ATP6V0A4: variants seen among roughly 807,000 people sequenced by gnomAD.
ATP6V0A4 encodes the protein ATPase H+ transporting V0 subunit a4.
ATP6V0A4 carries 86 observed loss-of-function variants against 107.3 expected under a neutral mutation model. The ratio of observed to expected loss-of-function variants is 0.80; its 90% CI spans 0.67 to 0.96. The LOEUF is 0.96. Among genes scored for constraint, ATP6V0A4 ranks in the 40% least tolerant of loss-of-function variants. ATP6V0A4 has a pLI of 0.00. For missense variants in ATP6V0A4, 908 were observed against 1,045.6 expected (o/e 0.87, Z 1.81); for synonymous variants, 353 against 381.4 (o/e 0.93, Z 0.87).
chr7:138,739,631 G>A lies in ATP6V0A4; in HGVS notation c.1481C>T (p.Thr494Ile). ...QPMFRNGTWN[T>I]HVMEESLYLQ... ...ATATAGACTTTCCTCCATTACATGA[G>A]TACTTTAGAGGGAGAAAAGGAGAAA... Residue 494 changes from threonine (T) to isoleucine (I), a missense_variant and splice_region_variant, in exon 15 of 22, where the codon ACT (threonine) becomes ATT (isoleucine). Physicochemically the swap from Thr to Ile is moderately conservative, Grantham distance 89. Transcript: ENST00000310018. 2 of 1,614,040 alleles carry A rather than the reference G, an allele frequency of 1.2e-6. No individual in the cohort carries two copies. Among genetic ancestry groups the A allele is most frequent in the Non-Finnish European group, 1.7e-6 (2 of 1,179,972 alleles).
Position 138,768,643 on chromosome 7 carries a change from G to A in ATP6V0A4, c.291+137C>T, listed in dbSNP as rs7780807. 971,896 of 1,036,124 alleles carry A rather than the reference G, an allele frequency of 0.94. 456,215 individuals are homozygous for A. Among genetic ancestry groups the A allele is most frequent in the African/African-American group, 0.99 (61,196 of 61,896 alleles). The allele number at this position is 1,036,124 out of a possible 1,614,324, so 64.2% of individuals were successfully genotyped here. A position where few individuals can be genotyped will look rare whatever the true frequency, so the allele number is the denominator to read the frequency against. On this transcript the variant is annotated intron_variant, in intron 5 of 21. Transcript: ENST00000310018. Reference sequence around the variant, plus strand: ...TTTTCCTGGGGCTGTAACCCTGAGAGGGAGACGACCATGCAGGCCTGCCTC... The same window carrying A: ...TTTTCCTGGGGCTGTAACCCTGAGAAGGAGACGACCATGCAGGCCTGCCTC...
intron 2 of ATP6V0A4, among the ~76,000 whole-genome samples, chr7:138,780,738 T>C (rs1376045440): frequency 6.6e-6 from 1 of 152,000 alleles, no homozygotes; most frequent in Non-Finnish European, 1.5e-5. Context: ...GCCTCATCTC[T>C]ATGAAAAATA....
intron 1 of ATP6V0A4, among the ~76,000 whole-genome samples, chr7:138,792,966 G>A (rs1808495208): frequency 6.6e-6 from 1 of 151,992 alleles, no homozygotes; most frequent in South Asian, 2.1e-4. Flanking sequence ...AGCAATATCA[G>A]ACAAAGTAAA....
At chr7:138,708,910 C>T (rs1057282746) in intron 21 of ATP6V0A4, among the ~76,000 whole-genome samples, 4 of 152,020 alleles carry the variant, frequency 2.6e-5, no homozygotes, top group African/African-American at 9.7e-5. Context: ...CCCATCTCTA[C>T]TAAAAATACA....
Position 138,732,655 on chromosome 7 carries a change from G to A in ATP6V0A4, c.1908+222C>T, listed in dbSNP as rs10273800. 0.028 allele frequency among the ~76,000 whole-genome samples: 4,311 copies of A among 152,012 alleles called. 229 individuals are homozygous for A. Among genetic ancestry groups the A allele is most frequent in the African/African-American group, 0.098 (4,072 of 41,450 alleles). On this transcript the variant is annotated intron_variant, in intron 17 of 21. Transcript: ENST00000310018. ...CTAAAAATACAAAAATTAGCCAGGC[G>A]TGGTGGCGTGCACCTGTAGTCCCAG...
intron 15 of ATP6V0A4, among the ~76,000 whole-genome samples, chr7:138,739,106 TATGCAGTAAAACAAAGCA>T (rs571799985): frequency 6.6e-6 from 1 of 152,350 alleles, no homozygotes; most frequent in Non-Finnish European, 1.5e-5. Flanking sequence ...GCGTCAATTC[TATGCAGTAAAACAAAGCA>T]AACATAAAAG....
At chr7:138,724,190 A>C (rs1445410673) in intron 18 of ATP6V0A4, among the ~76,000 whole-genome samples, 1 of 39,606 alleles carries the variant, frequency 2.5e-5, no homozygotes, top group Non-Finnish European at 5.0e-5. Context: ...ACTCTGCCTC[A>C]AAAAAAAAAA....
chr7:138,752,993 G>C (rs1309625609), intron 10 of ATP6V0A4, 156 bp from the exon 11 acceptor site: 1 of 847,998 alleles, frequency 1.2e-6, no homozygotes, highest in Non-Finnish European at 1.4e-6. Flanking sequence ...CTCCTGAGCA[G>C]TTTATCTCCC....
At chr7:138,767,472 G>A (rs949888354) in intron 5 of ATP6V0A4, among the ~76,000 whole-genome samples, 5 of 151,566 alleles carry the variant, frequency 3.3e-5, no homozygotes, top group Non-Finnish European at 7.4e-5. Context: ...GCAGTGAGCC[G>A]AGATCACACC....
At chr7:138,733,231 C>G in intron 16 of ATP6V0A4, 138 bp from the exon 17 acceptor site, 1 of 1,421,192 alleles carries the variant, frequency 7.0e-7, no homozygotes, top group Non-Finnish European at 9.4e-7. Context: ...CGGCACCCCC[C>G]ACCCCCCCAG....
chr7:138,781,843 C>CTTTT (rs200102016), intron 2 of ATP6V0A4, among the ~76,000 whole-genome samples: 1 of 72,800 alleles, frequency 1.4e-5, no homozygotes, highest in Admixed American at 1.7e-4. Context: ...CTCTCTCTCT[C>CTTTT]TTTTTTTTTT....
chr7:138,708,990 C>T (rs1258496403), intron 21 of ATP6V0A4, among the ~76,000 whole-genome samples: 2 of 152,158 alleles, frequency 1.3e-5, no homozygotes, highest in Admixed American at 6.6e-5. Flanking sequence ...GGGTGAATCA[C>T]TTGAGGCCAA....
intron 2 of ATP6V0A4, among the ~76,000 whole-genome samples, chr7:138,780,277 G>A (rs924045296): frequency 6.6e-6 from 1 of 152,162 alleles, no homozygotes; most frequent in African/African-American, 2.4e-5. Context: ...AGATCACCAG[G>A]CATCAGATTT....
At chr7:138,756,034 T>C in intron 9 of ATP6V0A4, 1 of 631,600 alleles carries the variant, frequency 1.6e-6, no homozygotes, top group Non-Finnish European at 2.6e-6. Context: ...TGTGAGTTGC[T>C]GGGTAAATAA....
In ATP6V0A4 at chr7:138,771,173, A is replaced by G. The variant is rs760946694; in HGVS notation, c.75T>C (p.Cys25=). 6.2e-7 allele frequency: 1 copy of G among 1,614,190 alleles called. No homozygotes were observed. Among genetic ancestry groups the G allele is most frequent in the South Asian group, 1.1e-5 (1 of 91,084 alleles). ...LFLQVEAAYC[C]VAELGELGLV... is the part of the protein sequence containing the mutation. ...ATCCGAGCTCTCCGAGCTCAGCCAC[A>G]CAGCAATATGCAGCTTCCACCTGGA... is the stretch of plus-strand genomic sequence containing the variant. The change falls in exon 3 of 22, where the codon TGT becomes TGC. Residue 25 remains cysteine (C), a synonymous_variant. Coordinates refer to ENST00000310018, the MANE Select transcript of ATP6V0A4 (RefSeq NM_020632.3).
chr7:138,782,967 C>T (rs556437211), intron 2 of ATP6V0A4, among the ~76,000 whole-genome samples: 2 of 152,018 alleles, frequency 1.3e-5, no homozygotes, highest in African/African-American at 2.4e-5. Flanking sequence ...CCCAGCTACT[C>T]GGGAGGCTGA....
At chr7:138,778,973 C>T (rs1384396940) in intron 2 of ATP6V0A4, among the ~76,000 whole-genome samples, 1 of 151,996 alleles carries the variant, frequency 6.6e-6, no homozygotes, top group South Asian at 2.1e-4. Context: ...GCAGAGATCT[C>T]GTGAATAGAA....
At chr7:138,787,807 C>A (rs7801983) in intron 1 of ATP6V0A4, among the ~76,000 whole-genome samples, 34 of 151,966 alleles carry the variant, frequency 2.2e-4, no homozygotes, top group South Asian at 6.2e-4. Flanking sequence ...AGACTAGCCT[C>A]GGTAACAGAG....
At chr7:138,781,308 T>C (rs1348931969) in intron 2 of ATP6V0A4, among the ~76,000 whole-genome samples, 5 of 151,712 alleles carry the variant, frequency 3.3e-5, no homozygotes, top group Non-Finnish European at 7.4e-5. Context: ...TTTTGGTTGA[T>C]TCTTTCAGAT....
Sources: allele counts gnomAD v4.1 joint callset (sites outside exome capture counted in the v4.1 genomes callset), GRCh38; gene constraint gnomAD v4.1.1; transcripts MANE v1.5; gene names NCBI Gene and HGNC (gene_info 2026-07-23, HGNC 2026-07-21).